TEAD1: variants seen among roughly 807,000 people sequenced by gnomAD.
TEAD1 encodes the protein transcriptional enhancer factor TEF-1.
A neutral mutation model predicts 54.9 loss-of-function variants in TEAD1; 9 were observed. That is an observed-to-expected ratio of 0.16 (90% CI 0.10 to 0.29). The LOEUF is 0.29. Ranked by LOEUF, TEAD1 falls within the 10% of genes least tolerant of loss-of-function variation. The pLI, the probability that TEAD1 is intolerant of heterozygous loss-of-function variation, is 1.00. For synonymous variants in TEAD1, 200 were observed against 187.8 expected, an observed-to-expected ratio of 1.07 and a Z score of -0.53; for missense variants, 387 against 535.9, an observed-to-expected ratio of 0.72 and a Z score of 2.74.
chr11:12,751,353 C>A (rs1404760668), intron 2 of TEAD1, among the ~76,000 whole-genome samples: 11 of 151,710 alleles, frequency 7.3e-5, no homozygotes, highest in African/African-American at 2.7e-4. Context: ...CTCACAAATC[C>A]TCAAAGGTGA....
At chr11:12,869,202 TC>T (rs1282819417) in intron 5 of TEAD1, among the ~76,000 whole-genome samples, 2 of 152,122 alleles carry the variant, frequency 1.3e-5, no homozygotes, top group African/African-American at 4.8e-5. Context: ...TGGAAAGACC[TC>T]GCCAGCCAGG....
At chr11:12,799,886 A>C (rs1331448836) in intron 3 of TEAD1, among the ~76,000 whole-genome samples, 1 of 152,124 alleles carries the variant, frequency 6.6e-6, no homozygotes, top group Non-Finnish European at 1.5e-5. Context: ...AGAAGATGTG[A>C]AAGTAGGGGG....
At chr11:12,762,269 CCA>C (rs1412204160) in intron 2 of TEAD1, among the ~76,000 whole-genome samples, 2 of 152,082 alleles carry the variant, frequency 1.3e-5, no homozygotes, top group African/African-American at 4.8e-5. Flanking sequence ...GGTGGGCTAG[CCA>C]CTGCTCAAAG....
At chr11:12,766,496 G>A (rs921035647) in intron 3 of TEAD1, among the ~76,000 whole-genome samples, 3 of 152,202 alleles carry the variant, frequency 2.0e-5, no homozygotes, top group African/African-American at 4.8e-5. Context: ...GTTTTCTTCT[G>A]TGTAAAATAA....
intron 3 of TEAD1, among the ~76,000 whole-genome samples, chr11:12,859,535 A>G (rs757340320): frequency 1.3e-5 from 2 of 152,202 alleles, no homozygotes; most frequent in Non-Finnish European, 2.9e-5. Flanking sequence ...CTTCAAGACA[A>G]ATTGCAAAAT....
chr11:12,687,244 A>G (rs1274856466), intron 2 of TEAD1, among the ~76,000 whole-genome samples: 1 of 152,264 alleles, frequency 6.6e-6, no homozygotes, highest in African/African-American at 2.4e-5. Flanking sequence ...GCCCTTAGGC[A>G]GAAAGGTCCT....
rs529119631 is a variant in TEAD1, at chr11:12,943,507, C to T, written c.*6285C>T. The stretch of plus-strand genomic sequence containing the variant: ...GTATTTATTGTCCTACTTCCTAAGC[C>T]GTAACTTCTTTTCCTCTGTGAATTT... On this transcript the variant is annotated 3_prime_UTR_variant, in exon 13 of 13. Coordinates refer to ENST00000527636, the MANE Select transcript of TEAD1 (RefSeq NM_021961.6). The T allele has an allele frequency of 3.3e-5, 5 of 152,644 alleles. No individual in the cohort carries two copies. Among genetic ancestry groups the T allele is most frequent in the Admixed American group, 3.3e-4 (5 of 15,304 alleles). The allele number at this position is 152,644 out of a possible 1,614,324, so 9.5% of individuals were successfully genotyped here. A position where few individuals can be genotyped will look rare whatever the true frequency, so the allele number is the denominator to read the frequency against.
rs773724564 is a variant in TEAD1 at position 12,850,454 on chromosome 11, C to G, written c.203-11796C>G. 5.4e-4 allele frequency among the ~76,000 whole-genome samples: 82 copies of G among 152,134 alleles called. 1 individual carries two copies. Among genetic ancestry groups the G allele is most frequent in the Admixed American group, 2.0e-4 (3 of 15,270 alleles). On this transcript the variant is annotated intron_variant, in intron 3 of 12. Transcript: ENST00000527636. The stretch of plus-strand genomic sequence containing the variant: ...TCCATCTCAAAAAGAGTTGAAGGAC[C>G]ATTTTAGAGCCCCAGAAGGTGCCAG...
intron 3 of TEAD1, among the ~76,000 whole-genome samples, chr11:12,806,354 A>C (rs981887189): frequency 6.6e-6 from 1 of 152,178 alleles, no homozygotes; most frequent in Non-Finnish European, 1.5e-5. Context: ...CACACCTGTG[A>C]CACAATCTGC....
chr11:12,910,971 T>C (rs368637470), intron 10 of TEAD1, among the ~76,000 whole-genome samples: 1 of 152,212 alleles, frequency 6.6e-6, no homozygotes, highest in South Asian at 2.1e-4. Flanking sequence ...GGTCTTGAAC[T>C]CCTGACCTCA....
At chr11:12,729,530 A>G (rs540444349) in intron 2 of TEAD1, among the ~76,000 whole-genome samples, 1 of 152,328 alleles carries the variant, frequency 6.6e-6, no homozygotes, top group South Asian at 2.1e-4. Flanking sequence ...AGAAAGATGG[A>G]AACCTAGGTT....
intron 3 of TEAD1, among the ~76,000 whole-genome samples, chr11:12,797,660 C>G (rs1945962640): frequency 6.6e-6 from 1 of 151,852 alleles, no homozygotes; most frequent in African/African-American, 2.4e-5. Flanking sequence ...GTAGGGGTTT[C>G]CTCCACTCTG....
At chr11:12,714,433 C>G (rs1371529639) in intron 2 of TEAD1, among the ~76,000 whole-genome samples, 1 of 151,950 alleles carries the variant, frequency 6.6e-6, no homozygotes, top group Non-Finnish European at 1.5e-5. Flanking sequence ...ATTCTGTTGC[C>G]CAGGCTGGAG....
intron 9 of TEAD1, among the ~76,000 whole-genome samples, 190 bp downstream of exon 9, chr11:12,883,315 A>G (rs1948008536): frequency 6.6e-6 from 1 of 152,310 alleles, no homozygotes; most frequent in East Asian, 1.9e-4. Flanking sequence ...ATTTGTAGAA[A>G]ACAGCAGAGC....
At chr11:12,887,346 C>A (rs1173297394) in intron 9 of TEAD1, among the ~76,000 whole-genome samples, 1 of 152,014 alleles carries the variant, frequency 6.6e-6, no homozygotes, top group Non-Finnish European at 1.5e-5. Context: ...CTGCCCGCCT[C>A]GGCCTCCCAA....
chr11:12,890,519 C>T (rs1564979324), intron 9 of TEAD1, among the ~76,000 whole-genome samples: 2 of 152,132 alleles, frequency 1.3e-5, no homozygotes, highest in African/African-American at 4.8e-5. Context: ...GGCAGATTAC[C>T]GCAGCTCAGC....
intron 3 of TEAD1, among the ~76,000 whole-genome samples, chr11:12,861,784 C>T (rs1044940620): frequency 6.6e-6 from 1 of 152,058 alleles, no homozygotes; most frequent in Admixed American, 6.6e-5. Flanking sequence ...GTCGGGGGTT[C>T]GAGACCAGCC....
intron 2 of TEAD1, among the ~76,000 whole-genome samples, chr11:12,697,571 C>T (rs1418745929): frequency 6.6e-6 from 1 of 152,172 alleles, no homozygotes; most frequent in African/African-American, 2.4e-5. Context: ...TTGGCATCTT[C>T]TACAAATTTG....
chr11:12,867,810 A>G (rs1314745893), intron 5 of TEAD1, among the ~76,000 whole-genome samples: 2 of 152,148 alleles, frequency 1.3e-5, no homozygotes, highest in Admixed American at 1.3e-4. Flanking sequence ...AAAAGACAAC[A>G]AGGATAGCTT....
Sources: gnomAD v4.1 joint callset for allele counts (sites outside exome capture counted in the v4.1 genomes callset) on GRCh38, gnomAD v4.1.1 for gene constraint, MANE v1.5 for transcripts, NCBI Gene and HGNC (gene_info 2026-07-23, HGNC 2026-07-21) for gene names.